The following DNAJC21 variants were observed in gnomAD, a reference collection of about 807,000 sequenced individuals.
DNAJC21 encodes DnaJ heat shock protein family (Hsp40) member C21.
A neutral mutation model predicts 72.4 loss-of-function variants in DNAJC21; 63 were observed. The observed-to-expected ratio is 0.87, with a 90% CI of 0.71 to 1.07. The LOEUF is 1.07. DNAJC21 is among the 50% of genes least tolerant of loss of function. The probability of loss-of-function intolerance (pLI) is 0.00; values close to 1 mark genes in which losing one functional copy is unlikely to be tolerated. For missense variants in DNAJC21, 634 were observed against 644.8 expected (o/e 0.98, Z 0.18); for synonymous variants, 203 against 216.7 (o/e 0.94, Z 0.56).
In DNAJC21 at chr5:34,938,919, C is replaced by G. The variant is rs774730633; in HGVS notation, c.805C>G (p.Gln269Glu). The G allele has an allele frequency of 1.2e-6, 2 of 1,614,056 alleles. No individual in the cohort carries two copies. The highest frequency in any genetic ancestry group is 1.7e-6 in the Non-Finnish European group (2 of 1,180,020). Residue 269 changes from glutamine to glutamate, a missense_variant, in exon 6 of 12, where the codon CAG (glutamine) becomes GAG (glutamate). Physicochemically the swap from Gln to Glu is conservative, Grantham distance 29. Coordinates refer to ENST00000648817, the MANE Select transcript of DNAJC21 (RefSeq NM_001012339.3). The stretch of plus-strand genomic sequence containing the variant: ...TATGGCCAATTTGGAGAAAGAGCTC[C>G]AGGAGATGGAGGCACGGTACGAGAA... ...MTMANLEKEL[Q>E]EMEARYEKEF...
At chr5:34,945,703 T>TC in intron 8 of DNAJC21, 58 bp from the exon 9 acceptor site, 1 of 1,484,816 alleles carries the variant, frequency 6.7e-7, no homozygotes, top group South Asian at 1.4e-5. Flanking sequence ...TTTTTTTTTT[T>TC]TCCACTTACT....
chr5:34,929,807 G>C lies in DNAJC21; in HGVS notation c.-13G>C. ...TCCCGGGCCCCAGCGCCGGCCGCCC[G>C]CCCGGTCGGGCGATGAAGTGTCACT... is the stretch of plus-strand genomic sequence containing the variant. On this transcript the variant is annotated 5_prime_UTR_variant, in exon 1 of 12. Transcript: ENST00000648817. The C allele has an allele frequency of 5.3e-6, 7 of 1,326,938 alleles. No homozygotes were observed. The highest frequency in any genetic ancestry group is 2.5e-5 in the Admixed American group (1 of 39,612). The allele number at this position is 1,326,938 out of a possible 1,614,324, so 82.2% of individuals were successfully genotyped here.
At chr5:34,941,532 A>AAGTTTAG (rs1219049494) in intron 7 of DNAJC21, among the ~76,000 whole-genome samples, 2 of 150,050 alleles carry the variant, frequency 1.3e-5, no homozygotes, top group Non-Finnish European at 3.0e-5. Context: ...TAAAAGGAGT[A>AAGTTTAG]AGTTTAGTAT....
At chr5:34,951,963 T>C in intron 10 of DNAJC21, 1 of 985,520 alleles carries the variant, frequency 1.0e-6, no homozygotes, top group Non-Finnish European at 1.2e-6. Context: ...TCTTCACAGC[T>C]GCAGAATGGC....
At chr5:34,941,649 C>A (rs1193079365) in intron 7 of DNAJC21, among the ~76,000 whole-genome samples, 1 of 148,628 alleles carries the variant, frequency 6.7e-6, no homozygotes, top group Non-Finnish European at 1.5e-5. Context: ...TCACTGCAAC[C>A]TCCACCTCCT....
chr5:34,938,760 G>C (rs1764880678), intron 5 of DNAJC21, 98 bp from the exon 6 acceptor site: 3 of 1,313,102 alleles, frequency 2.3e-6, no homozygotes, highest in South Asian at 2.3e-5. Context: ...TAGGTTGGGA[G>C]CAAGCTCTCT....
intron 9 of DNAJC21, chr5:34,949,399 A>T (rs1015198497): frequency 1.5e-6 from 2 of 1,325,408 alleles, no homozygotes; most frequent in African/African-American, 2.9e-5. Flanking sequence ...GCAACATGTG[A>T]TCCTTGATTA....
At position 34,940,478 on chromosome 5, in the gene DNAJC21, A is replaced by G. The variant is rs149094203; in HGVS notation, c.896-618A>G. On this transcript the variant is annotated intron_variant, in intron 6 of 11. Coordinates refer to ENST00000648817, the MANE Select transcript of DNAJC21 (RefSeq NM_001012339.3). Reference sequence around the variant, plus strand: ...TAATAAATCCCAAATGACAGTTTACATGTTTGTTTCTTCAAAAATAGAATA... The same window carrying G: ...TAATAAATCCCAAATGACAGTTTACGTGTTTGTTTCTTCAAAAATAGAATA... 6.6e-4 allele frequency among the ~76,000 whole-genome samples: 100 copies of G among 152,312 alleles called. No individual in the cohort carries two copies. The East Asian group carries it at 0.012, about 18-fold the overall frequency.
At position 34,937,412 on chromosome 5, in the gene DNAJC21, T is replaced by C; in HGVS notation, c.525T>C (p.Ala175=). 6.2e-7 allele frequency: 1 copy of C among 1,614,136 alleles called. No homozygotes were observed. Among genetic ancestry groups the C allele is most frequent in the South Asian group, 1.1e-5 (1 of 91,090 alleles). ...AWKEEYDTRQ[A]SNRWEKRAME... is the part of the protein sequence containing the mutation. ...AGGAAGAATATGATACACGACAGGC[T>C]TCAAACCGCTGGGAAAAACGAGCCA... is the stretch of plus-strand genomic sequence containing the variant. Residue 175 remains alanine, a synonymous_variant, in exon 5 of 12, where the codon GCT becomes GCC. Coordinates refer to ENST00000648817, the MANE Select transcript of DNAJC21 (RefSeq NM_001012339.3).
At position 34,947,654 on chromosome 5, in the gene DNAJC21, A is replaced by ATTT. The variant is rs1328671559; in HGVS notation, c.1185+1852_1185+1853insTTT. Among the ~76,000 whole-genome samples, 13 of 103,380 alleles carry ATTT rather than the reference A, an allele frequency of 1.3e-4. 1 individual carries two copies. The highest frequency in any genetic ancestry group is 3.2e-4 in the South Asian group (1 of 3,100). 67.8% of individuals were successfully genotyped at this position (103,380 alleles called of 152,430 possible). A position where few individuals can be genotyped will look rare whatever the true frequency, so the allele number is the denominator to read the frequency against. ...TCAGTGTAGACATGCAGTTTTCACCATGTTTTTTTTTTTTTTTTTGAAGAG... is the reference window on the plus strand; with the variant it reads ...TCAGTGTAGACATGCAGTTTTCACCATTTTGTTTTTTTTTTTTTTTTTGAAGAG... On this transcript the variant is annotated intron_variant, in intron 9 of 11. Transcript: ENST00000648817.
At chr5:34,939,810 A>G (rs1764928528) in intron 6 of DNAJC21, among the ~76,000 whole-genome samples, 1 of 152,088 alleles carries the variant, frequency 6.6e-6, no homozygotes, top group African/African-American at 2.4e-5. Flanking sequence ...GAATAGCTGT[A>G]TATCTGATTT....
chr5:34,951,880 G>A, intron 10 of DNAJC21: 1 of 985,364 alleles, frequency 1.0e-6, no homozygotes, highest in Non-Finnish European at 1.2e-6. Flanking sequence ...TCTCAGGCTT[G>A]GGCAACCACT....
rs549359793 is a variant in DNAJC21 at position 34,930,920 on chromosome 5, T to C, written c.97+1004T>C. Among the ~76,000 whole-genome samples the C allele has an allele frequency of 5.9e-5, 9 of 152,344 alleles. No homozygotes were observed. In the South Asian group the frequency reaches 8.3e-4, roughly 14 times the overall value. Reference sequence around the variant, plus strand: ...GGTTAGATTAATGGAACAACTAATATATGCTCCAGGAATTCAGGGAGGGAG... The same window carrying C: ...GGTTAGATTAATGGAACAACTAATACATGCTCCAGGAATTCAGGGAGGGAG... On this transcript the variant is annotated intron_variant, in intron 1 of 11. Transcript: ENST00000648817.
Position 34,944,871 on chromosome 5 carries a change from A to G in DNAJC21, c.988A>G (p.Lys330Glu). ...CACGTCAGATTGCTCTTTCAGCATG[A>G]AGAATCACGAGAAGTCAAAGAAGCA... is the stretch of plus-strand genomic sequence containing the variant. ...DKSFKTEKAM[K>E]NHEKSKKHRE... The change falls in exon 8 of 12, where the codon AAG becomes GAG. Residue 330 changes from lysine (K) to glutamate (E), a missense_variant. Transcript: ENST00000648817. 1.2e-5 allele frequency: 19 copies of G among 1,614,158 alleles called. No homozygotes were observed. Among genetic ancestry groups the G allele is most frequent in the Non-Finnish European group, 1.5e-5 (18 of 1,180,006 alleles).
chr5:34,943,223 C>G (rs1340034907), intron 7 of DNAJC21, among the ~76,000 whole-genome samples: 1 of 152,324 alleles, frequency 6.6e-6, no homozygotes, highest in Admixed American at 6.5e-5. Flanking sequence ...GAATTTTTCT[C>G]CAATACAGAA....
chr5:34,937,690 A>C lies in DNAJC21; in HGVS notation c.743+60A>C, dbSNP rs537941342. On this transcript the variant is annotated intron_variant, in intron 5 of 11. Coordinates refer to ENST00000648817, the MANE Select transcript of DNAJC21 (RefSeq NM_001012339.3). ...CGGTGGGGGTCAGAGGCAGCACCAG[A>C]GGTACCTTACATGTTCATGTTGGGT... is the stretch of plus-strand genomic sequence containing the variant. The C allele has an allele frequency of 7.8e-6, 12 of 1,539,412 alleles. No homozygotes were observed. The African/African-American group carries it at 1.5e-4, about 20-fold the overall frequency.
Position 34,933,563 on chromosome 5 carries a change from G to C in DNAJC21, c.98-252G>C, listed in dbSNP as rs115352324. ...AGTGCTGGGATTACAGTGGGCGTGA[G>C]CCATCACGCCCAGCCCAGTTGACTG... On this transcript the variant is annotated intron_variant, in intron 1 of 11. Coordinates refer to ENST00000648817, the MANE Select transcript of DNAJC21 (RefSeq NM_001012339.3). Among the ~76,000 whole-genome samples, 880 of 152,250 alleles carry C rather than the reference G, an allele frequency of 5.8e-3. 8 individuals carry two copies. Among genetic ancestry groups the C allele is most frequent in the African/African-American group, 0.02 (839 of 41,546 alleles).
chr5:34,950,621 C>T (rs749133781), intron 10 of DNAJC21: 16 of 1,051,736 alleles, frequency 1.5e-5, no homozygotes, highest in Admixed American at 1.1e-4. Context: ...CCTGCTGTGG[C>T]GCTGATTTTG....
intron 10 of DNAJC21, chr5:34,952,193 A>G (rs1765395542): frequency 1.0e-6 from 1 of 985,310 alleles, no homozygotes; most frequent in Non-Finnish European, 1.2e-6. Context: ...TCAGCTTCAG[A>G]GATGTAACTG....
Sources: gnomAD v4.1 joint callset for allele counts (sites outside exome capture counted in the v4.1 genomes callset) on GRCh38, gnomAD v4.1.1 for gene constraint, MANE v1.5 for transcripts, NCBI Gene and HGNC (gene_info 2026-07-23, HGNC 2026-07-21) for gene names.